Variants in VPS13B observed in about 807,000 individuals in gnomAD.
The protein encoded by VPS13B is intermembrane lipid transfer protein VPS13B.
In VPS13B, 285 loss-of-function variants were observed where a neutral mutation model predicts 426.4. The ratio of observed to expected loss-of-function variants is 0.67; its 90% confidence interval spans 0.61 to 0.74. VPS13B has a LOEUF of 0.74. Ranked by LOEUF, VPS13B falls within the 30% of genes least tolerant of loss-of-function variation. VPS13B has a pLI of 0.00. For missense variants in VPS13B, 4,537 were observed against 4,782.6 expected (o/e 0.95, Z 1.51); for synonymous variants, 1,676 against 1,676.4 (o/e 1.00, Z 0.01).
chr8:99,788,601 C>T, intron 43 of VPS13B, among the ~76,000 whole-genome samples: 1 of 152,120 alleles, frequency 6.6e-6, no homozygotes, highest in East Asian at 1.9e-4. Context: ...AGCTACTCAA[C>T]TCTGTGTAAA....
chr8:99,661,926 A>G (rs1315359501), intron 35 of VPS13B, among the ~76,000 whole-genome samples: 2 of 152,148 alleles, frequency 1.3e-5, no homozygotes, highest in Non-Finnish European at 2.9e-5. Context: ...TTGATAGTTA[A>G]ATGTACCTGT....
In VPS13B at chr8:99,323,938, C is replaced by T. The variant is rs143836617; in HGVS notation, c.2824+48684C>T. 6.1e-3 allele frequency among the ~76,000 whole-genome samples: 928 copies of T among 152,242 alleles called. 13 individuals are homozygous for T. Among genetic ancestry groups the T allele is most frequent in the African/African-American group, 0.021 (880 of 41,540 alleles). On this transcript the variant is annotated intron_variant, in intron 19 of 61. Coordinates refer to ENST00000357162, the MANE Select transcript of VPS13B (RefSeq NM_152564.5). The stretch of plus-strand genomic sequence containing the variant: ...CTATGTGAGGATTTTGTTAACCTGA[C>T]GTTTTGTGGTTTCGCCTCATAAAAC...
At chr8:99,650,345 C>A (rs527768796) in intron 34 of VPS13B, among the ~76,000 whole-genome samples, 1 of 152,316 alleles carries the variant, frequency 6.6e-6, no homozygotes, top group East Asian at 1.9e-4. Context: ...GCTTTCCTTT[C>A]ATATACTATC....
chr8:99,218,823 A>G (rs1815526413), intron 17 of VPS13B, among the ~76,000 whole-genome samples: 1 of 152,154 alleles, frequency 6.6e-6, no homozygotes, highest in African/African-American at 2.4e-5. Context: ...CTTGTGATGT[A>G]AACTGGTTGA....
chr8:99,691,732 A>G (rs981696150), intron 35 of VPS13B, among the ~76,000 whole-genome samples: 9 of 148,392 alleles, frequency 6.1e-5, no homozygotes, highest in African/African-American at 2.3e-4. Flanking sequence ...GCTCCAATTA[A>G]AAGACACAGA....
intron 39 of VPS13B, among the ~76,000 whole-genome samples, chr8:99,754,974 A>C (rs1054796419): frequency 1.3e-5 from 2 of 152,148 alleles, no homozygotes; most frequent in Non-Finnish European, 2.9e-5. Flanking sequence ...TGCTTGAGGC[A>C]GTGGGAACCA....
intron 20 of VPS13B, among the ~76,000 whole-genome samples, chr8:99,389,455 C>A (rs181604707): frequency 3.2e-4 from 49 of 152,192 alleles, no homozygotes; most frequent in Non-Finnish European, 6.0e-4. Flanking sequence ...CTAAACTTAG[C>A]TAATAGCCTA....
rs567191518 is a variant in VPS13B, at chr8:99,506,097, T to C, written c.4158-1040T>C. Reference sequence around the variant, plus strand: ...TCTGATTTTTGCTGTATACGTCCCATCCATTCTCTATACCAATATAATCAT... The same window carrying C: ...TCTGATTTTTGCTGTATACGTCCCACCCATTCTCTATACCAATATAATCAT... On this transcript the variant is annotated intron_variant, in intron 27 of 61. Coordinates refer to ENST00000357162, the MANE Select transcript of VPS13B (RefSeq NM_152564.5). Among the ~76,000 whole-genome samples, 68 of 152,280 alleles carry C rather than the reference T, an allele frequency of 4.5e-4. 1 individual carries two copies. Among genetic ancestry groups the C allele is most frequent in the African/African-American group, 1.5e-3 (64 of 41,570 alleles).
intron 34 of VPS13B, among the ~76,000 whole-genome samples, chr8:99,642,780 T>A (rs1036005507): frequency 1.3e-5 from 2 of 152,196 alleles, no homozygotes; most frequent in Non-Finnish European, 1.5e-5. Context: ...CTTAACAGTT[T>A]CCAGTGTTTG....
intron 13 of VPS13B, 108 bp downstream of exon 13, chr8:99,143,273 G>T: frequency 1.4e-6 from 2 of 1,405,832 alleles, no homozygotes; most frequent in Non-Finnish European, 2.0e-6. Flanking sequence ...TAATTTGCCT[G>T]TTTGCAAGGA....
chr8:99,731,326 C>T (rs1355694333), intron 39 of VPS13B, among the ~76,000 whole-genome samples: 2 of 152,182 alleles, frequency 1.3e-5, no homozygotes, highest in East Asian at 1.9e-4. Flanking sequence ...ATTATCTTCA[C>T]TATAACCCTG....
chr8:99,187,263 A>G (rs912045056), intron 16 of VPS13B, among the ~76,000 whole-genome samples: 2 of 152,194 alleles, frequency 1.3e-5, no homozygotes, highest in Non-Finnish European at 2.9e-5. Context: ...ATTTGAGAAC[A>G]TAGTGGAGAG....
rs1473808947 is a variant in VPS13B, at chr8:99,209,337, A to T, written c.2515+16280A>T. Among the ~76,000 whole-genome samples the T allele has an allele frequency of 2.0e-5, 3 of 152,120 alleles. No individual in the cohort carries two copies. In the East Asian group the frequency reaches 5.8e-4, roughly 29 times the overall value. Reference sequence around the variant, plus strand: ...AAATAATGCTGTAATATACTACACAATTCCAAATTTTTACTTATTATGGCA... The same window carrying T: ...AAATAATGCTGTAATATACTACACATTTCCAAATTTTTACTTATTATGGCA... On this transcript the variant is annotated intron_variant, in intron 17 of 61. Transcript: ENST00000357162.
At chr8:99,381,100 A>C (rs1185011765) in intron 19 of VPS13B, among the ~76,000 whole-genome samples, 2 of 151,276 alleles carry the variant, frequency 1.3e-5, no homozygotes, top group Non-Finnish European at 3.0e-5. Context: ...TTTCTCCTCT[A>C]TGTGTCCATG....
intron 29 of VPS13B, among the ~76,000 whole-genome samples, chr8:99,513,134 A>C (rs1821883778): frequency 6.6e-6 from 1 of 151,434 alleles, no homozygotes; most frequent in Non-Finnish European, 1.5e-5. Context: ...ATAATATAAA[A>C]AATTCTAGGT....
At chr8:99,755,221 G>A (rs1338686877) in intron 39 of VPS13B, among the ~76,000 whole-genome samples, 1 of 152,072 alleles carries the variant, frequency 6.6e-6, no homozygotes, top group Non-Finnish European at 1.5e-5. Flanking sequence ...AGGCTAAGGA[G>A]GAGTTGAAGG....
At chr8:99,034,954 A>C (rs1213021302) in intron 2 of VPS13B, among the ~76,000 whole-genome samples, 1 of 152,152 alleles carries the variant, frequency 6.6e-6, no homozygotes, top group African/African-American at 2.4e-5. Context: ...CAGCACTTTG[A>C]GAGGCTGAGA....
At chr8:99,018,898 T>G (rs1428579449) in intron 2 of VPS13B, among the ~76,000 whole-genome samples, 1 of 152,220 alleles carries the variant, frequency 6.6e-6, no homozygotes, top group African/African-American at 2.4e-5. Flanking sequence ...TTTTCAAATC[T>G]AAACCTTGCA....
At chr8:99,541,012 A>C (rs1220809608) in intron 30 of VPS13B, among the ~76,000 whole-genome samples, 1 of 152,052 alleles carries the variant, frequency 6.6e-6, no homozygotes, top group Non-Finnish European at 1.5e-5. Context: ...CCAAATGTAC[A>C]TTGTGACTTT....
Sources: allele counts gnomAD v4.1 joint callset (sites outside exome capture counted in the v4.1 genomes callset), GRCh38; gene constraint gnomAD v4.1.1; transcripts MANE v1.5; gene names NCBI Gene and HGNC (gene_info 2026-07-23, HGNC 2026-07-21).